Variants in DYSF observed in about 807,000 individuals in gnomAD.
DYSF encodes dysferlin.
A neutral mutation model predicts 274.9 loss-of-function variants in DYSF; 212 were observed. The observed-to-expected ratio is 0.77, with a 90% CI of 0.69 to 0.86. The LOEUF is 0.86. Among genes scored for constraint, DYSF ranks in the 40% least tolerant of loss-of-function variants. DYSF has a pLI of 0.00. For missense variants in DYSF, 2,666 were observed against 2,783.2 expected (o/e 0.96, Z 0.95); for synonymous variants, 1,091 against 1,078.7 (o/e 1.01, Z -0.22).
intron 29 of DYSF, among the ~76,000 whole-genome samples, chr2:71,573,027 C>T (rs1574089694): frequency 1.3e-5 from 2 of 152,208 alleles, no homozygotes; most frequent in East Asian, 3.9e-4. Flanking sequence ...TGCACAGCCT[C>T]TGTGCCCGCC....
intron 42 of DYSF, among the ~76,000 whole-genome samples, chr2:71,655,839 G>T (rs999001371): frequency 2.8e-4 from 42 of 152,156 alleles, no homozygotes; most frequent in African/African-American, 9.7e-4. Flanking sequence ...TTATTGACCA[G>T]AAAACCCTAT....
intron 30 of DYSF, among the ~76,000 whole-genome samples, chr2:71,577,395 C>T (rs1558521913): frequency 6.6e-6 from 1 of 151,684 alleles, no homozygotes; most frequent in African/African-American, 2.4e-5. Flanking sequence ...AACACCCCCA[C>T]ACACTAACAC....
intron 17 of DYSF, among the ~76,000 whole-genome samples, chr2:71,544,830 C>T (rs1420859218): frequency 6.6e-6 from 1 of 152,208 alleles, no homozygotes; most frequent in African/African-American, 2.4e-5. Flanking sequence ...ATGTACCTGA[C>T]ATTGTTTTTC....
chr2:71,622,159 T>G, intron 41 of DYSF, among the ~76,000 whole-genome samples: 1 of 139,040 alleles, frequency 7.2e-6, no homozygotes, highest in East Asian at 2.2e-4. Flanking sequence ...TACGCCCAGG[T>G]ACATCTGTTC....
At chr2:71,465,000 A>C (rs2081440969), upstream of DYSF, among the ~76,000 whole-genome samples, 1 of 152,054 alleles carries the variant, frequency 6.6e-6, no homozygotes, top group Non-Finnish European at 1.5e-5. Flanking sequence ...TCAAGAGAGA[A>C]TGGAGGAGGG....
intron 48 of DYSF, 84 bp downstream of exon 48, chr2:71,667,599 C>T: frequency 1.3e-6 from 2 of 1,573,696 alleles, no homozygotes. Flanking sequence ...CCCAGAGGAG[C>T]CAGTGGGTCC....
intron 32 of DYSF, among the ~76,000 whole-genome samples, chr2:71,594,598 C>G (rs1205529202): frequency 6.6e-6 from 1 of 152,152 alleles, no homozygotes; most frequent in Non-Finnish European, 1.5e-5. Context: ...GTGATCTGCC[C>G]CTCCTCCCCT....
chr2:71,651,290 C>G (rs945912435), intron 42 of DYSF, among the ~76,000 whole-genome samples: 1 of 152,090 alleles, frequency 6.6e-6, no homozygotes, highest in Admixed American at 6.5e-5. Context: ...ATAGATAACT[C>G]TTCAGCTAGT....
intron 30 of DYSF, among the ~76,000 whole-genome samples, chr2:71,580,187 C>T (rs1574137830): frequency 6.6e-6 from 1 of 152,368 alleles, no homozygotes; most frequent in East Asian, 1.9e-4. Context: ...TTCTCCTCAC[C>T]TGATAGCCAG....
upstream of DYSF, among the ~76,000 whole-genome samples, chr2:71,465,493 G>A (rs1334946697): frequency 6.6e-6 from 1 of 152,226 alleles, no homozygotes; most frequent in South Asian, 2.1e-4. Context: ...GTGAGGGCTC[G>A]CTTGAGTTAA....
intron 45 of DYSF, among the ~76,000 whole-genome samples, chr2:71,663,556 T>C (rs2152949582): frequency 6.6e-6 from 1 of 152,346 alleles, no homozygotes; most frequent in Non-Finnish European, 1.5e-5. Context: ...TGCCACAAGT[T>C]GCTTAAGTTT....
chr2:71,560,556 G>A (rs1297749512), intron 22 of DYSF, among the ~76,000 whole-genome samples: 1 of 152,150 alleles, frequency 6.6e-6, no homozygotes, highest in East Asian at 1.9e-4. Flanking sequence ...AGGCCCCGGG[G>A]CTTAAGTTTC....
chr2:71,635,104 C>G (rs2152914827), intron 41 of DYSF, among the ~76,000 whole-genome samples: 1 of 152,294 alleles, frequency 6.6e-6, no homozygotes, highest in South Asian at 2.1e-4. Context: ...CTGCCTGGAC[C>G]CCCAAAGTTA....
Position 71,535,078 on chromosome 2 carries a change from C to T in DYSF, c.1438C>T (p.Leu480=), listed in dbSNP as rs761512137. The change falls in exon 15 of 56, where the codon CTG becomes TTG. Residue 480 remains leucine (L), a synonymous_variant. Coordinates refer to ENST00000410020, the MANE Select transcript of DYSF (RefSeq NM_001130987.2). ...CCCTCAGTGGAACCAGAACATCACA[C>T]TGCCTGCCATGGTGAGCCTCCTGCC... The part of the protein sequence containing the change: ...ANPQWNQNIT[L]PAMFPSMCEK... 3 of 1,614,174 alleles carry T rather than the reference C, an allele frequency of 1.9e-6. No individual in the cohort carries two copies. Among genetic ancestry groups the T allele is most frequent in the Non-Finnish European group, 2.5e-6 (3 of 1,180,018 alleles).
At chr2:71,601,843 CTT>C (rs919223114) in intron 35 of DYSF, among the ~76,000 whole-genome samples, 3 of 152,226 alleles carry the variant, frequency 2.0e-5, no homozygotes, top group African/African-American at 7.2e-5. Flanking sequence ...CCCAGGGAAT[CTT>C]AATGCACATC....
intron 41 of DYSF, among the ~76,000 whole-genome samples, chr2:71,638,303 A>G (rs2094436650): frequency 6.6e-6 from 1 of 150,686 alleles, no homozygotes; most frequent in Non-Finnish European, 1.5e-5. Context: ...GGTTTGTAGT[A>G]TATTAACAGA....
chr2:71,686,188 G>A (rs1558832016), intron 55 of DYSF, among the ~76,000 whole-genome samples: 1 of 152,200 alleles, frequency 6.6e-6, no homozygotes, highest in African/African-American at 2.4e-5. Flanking sequence ...AGGTGGGAGG[G>A]TGCGGGTGGA....
At chr2:71,559,975 A>T (rs2091614927) in intron 22 of DYSF, among the ~76,000 whole-genome samples, 1 of 152,224 alleles carries the variant, frequency 6.6e-6, no homozygotes, top group African/African-American at 2.4e-5. Flanking sequence ...AGAGGCAGGC[A>T]GGGACCTTGG....
chr2:71,462,775 G>A (rs1036541569), upstream of DYSF, among the ~76,000 whole-genome samples: 1 of 152,204 alleles, frequency 6.6e-6, no homozygotes, highest in Non-Finnish European at 1.5e-5. Context: ...AGGTCTTCCC[G>A]ACAAGTGGAG....
Sources: allele counts gnomAD v4.1 joint callset (sites outside exome capture counted in the v4.1 genomes callset), GRCh38; gene constraint gnomAD v4.1.1; transcripts MANE v1.5; gene names NCBI Gene and HGNC (gene_info 2026-07-23, HGNC 2026-07-21).